The following CRYBG3 variants were observed in gnomAD, a reference collection of about 807,000 sequenced individuals.
CRYBG3 encodes the protein crystallin beta-gamma domain containing 3.
A neutral mutation model predicts 244.2 loss-of-function variants in CRYBG3; 127 were observed. The ratio of observed to expected loss-of-function variants is 0.52; its 90% CI spans 0.45 to 0.60. The LOEUF is 0.60. CRYBG3 is among the 20% of genes least tolerant of loss of function. The probability of loss-of-function intolerance (pLI) is 0.00; values close to 1 mark genes in which losing one functional copy is unlikely to be tolerated. For missense variants in CRYBG3, 3,325 were observed against 3,442.5 expected (o/e 0.97, Z 0.85); for synonymous variants, 1,132 against 1,195.8 (o/e 0.95, Z 1.10).
intron 1 of CRYBG3, among the ~76,000 whole-genome samples, chr3:97,838,228 G>A (rs1339748632): frequency 1.3e-5 from 2 of 152,076 alleles, no homozygotes; most frequent in East Asian, 1.9e-4. Flanking sequence ...TTTGCTGAAC[G>A]GCAGTGTTGG....
rs953635442 is a variant in CRYBG3, at chr3:97,943,745, G to A, written c.*431G>A. ...AAAGAAACAGATTTCTATAGGTCAA[G>A]TCATACTTTTGCAAACAGATGAGTA... On this transcript the variant is annotated 3_prime_UTR_variant, in exon 22 of 22. Transcript: ENST00000389622. The A allele has an allele frequency of 7.0e-6, 1 of 143,166 alleles. No homozygotes were observed. Among genetic ancestry groups the A allele is most frequent in the Non-Finnish European group, 1.5e-5 (1 of 65,794 alleles). 8.9% of individuals were successfully genotyped at this position (143,166 alleles called of 1,614,324 possible).
intron 1 of CRYBG3, among the ~76,000 whole-genome samples, chr3:97,828,565 G>T (rs2038608490): frequency 6.7e-6 from 1 of 149,526 alleles, no homozygotes. Flanking sequence ...GGTGGCTCAT[G>T]CCTGTAATCC....
chr3:97,937,480 C>T (rs879322034), intron 19 of CRYBG3, among the ~76,000 whole-genome samples: 1 of 152,050 alleles, frequency 6.6e-6, no homozygotes, highest in Non-Finnish European at 1.5e-5. Context: ...CCCTCTGTAT[C>T]GTGTTCTTCC....
intron 19 of CRYBG3, among the ~76,000 whole-genome samples, chr3:97,939,938 C>T (rs766504344): frequency 2.0e-5 from 3 of 151,976 alleles, no homozygotes; most frequent in East Asian, 1.9e-4. Flanking sequence ...GTTAGCTTCA[C>T]GTTGATCTAT....
At chr3:97,922,176 C>CA (rs1482436617) in intron 17 of CRYBG3, among the ~76,000 whole-genome samples, 2 of 152,088 alleles carry the variant, frequency 1.3e-5, no homozygotes, top group Non-Finnish European at 2.9e-5. Context: ...GTGTAGAAGA[C>CA]AAAAATTAAT....
Position 97,875,444 on chromosome 3 carries a change from T to C in CRYBG3, c.4250T>C (p.Ile1417Thr). The C allele has an allele frequency of 7.5e-7, 1 of 1,332,596 alleles. No individual in the cohort carries two copies. Among genetic ancestry groups the C allele is most frequent in the East Asian group, 2.9e-5 (1 of 35,084 alleles). 82.5% of individuals were successfully genotyped at this position (1,332,596 alleles called of 1,614,324 possible). The change falls in exon 4 of 22, where the codon ATA (isoleucine) becomes ACA (threonine). Residue 1417 changes from isoleucine (I) to threonine (T), a missense_variant. Coordinates refer to ENST00000389622, the MANE Select transcript of CRYBG3 (RefSeq NM_153605.4). The part of the protein sequence containing the change: ...SGNGSGLSDS[I>T]NLQESDTVLL... ...AATGGATCTGGACTGTCTGATAGTA[T>C]AAATTTGCAGGAATCAGATACGGTT...
chr3:97,915,649 C>T lies in CRYBG3; in HGVS notation c.8154C>T (p.His2718=). ...LYYQEDMFVN[H]CVLEEGLYAD... is the part of the protein sequence containing the mutation. ...ACCAAGAAGACATGTTTGTTAATCA[C>T]TGTGTGTTAGAAGAAGGCCTCTATG... Residue 2718 remains histidine, a synonymous_variant, in exon 17 of 22, where the codon CAC becomes CAT. Coordinates refer to ENST00000389622, the MANE Select transcript of CRYBG3 (RefSeq NM_153605.4). 1.9e-6 allele frequency: 3 copies of T among 1,612,580 alleles called. No homozygotes were observed. Among genetic ancestry groups the T allele is most frequent in the Non-Finnish European group, 1.7e-6 (2 of 1,178,906 alleles).
chr3:97,928,907 G>T (rs1383549139), intron 17 of CRYBG3, among the ~76,000 whole-genome samples: 1 of 151,882 alleles, frequency 6.6e-6, no homozygotes, highest in Non-Finnish European at 1.5e-5. Flanking sequence ...TACAGATATA[G>T]GTATATAACT....
chr3:97,866,535 G>T (rs2039234901), intron 3 of CRYBG3, among the ~76,000 whole-genome samples: 1 of 152,218 alleles, frequency 6.6e-6, no homozygotes, highest in African/African-American at 2.4e-5. Flanking sequence ...CTCTGCAGGA[G>T]TGGGGCCCAG....
chr3:97,855,903 T>G (rs1207097746), intron 2 of CRYBG3, among the ~76,000 whole-genome samples: 2 of 151,948 alleles, frequency 1.3e-5, no homozygotes, highest in East Asian at 1.9e-4. Flanking sequence ...TGGGGCGAAA[T>G]TAAAATTGCA....
chr3:97,823,561 T>A (rs1170508634), intron 1 of CRYBG3, among the ~76,000 whole-genome samples: 1 of 152,258 alleles, frequency 6.6e-6, no homozygotes, highest in African/African-American at 2.4e-5. Context: ...TCAGCTATTA[T>A]TGCTCTGACT....
intron 2 of CRYBG3, among the ~76,000 whole-genome samples, chr3:97,855,677 A>G (rs1206333157): frequency 6.6e-6 from 1 of 152,166 alleles, no homozygotes; most frequent in Non-Finnish European, 1.5e-5. Flanking sequence ...AGTACAAAAG[A>G]GAGAAATTTT....
chr3:97,891,725 T>C (rs2039578048), intron 10 of CRYBG3, among the ~76,000 whole-genome samples: 1 of 152,070 alleles, frequency 6.6e-6, no homozygotes, highest in Non-Finnish European at 1.5e-5. Context: ...AGGAGGCAAC[T>C]CAGGAGCGTA....
Position 97,875,072 on chromosome 3 carries a change from ATAG to A in CRYBG3, c.3881_3883del (p.Ser1294del). On this transcript the variant is annotated inframe_deletion, in exon 4 of 22. Coordinates refer to ENST00000389622, the MANE Select transcript of CRYBG3 (RefSeq NM_153605.4). ...GAGAAGAATCTTCTTGTTGATCCTA[ATAG>A]TATGAATGTATCTTGTTTGTTAGAA... 2.0e-6 allele frequency: 3 copies of A among 1,534,084 alleles called. No individual in the cohort carries two copies. Among genetic ancestry groups the A allele is most frequent in the Non-Finnish European group, 2.6e-6 (3 of 1,145,910 alleles).
chr3:97,878,064 T>C (rs1200660660), intron 4 of CRYBG3, 27 bp downstream of exon 4: 1 of 1,535,448 alleles, frequency 6.5e-7, no homozygotes, highest in Non-Finnish European at 8.8e-7. Context: ...ATTGTATTAA[T>C]AATAGTTATT....
chr3:97,876,018 A>C lies in CRYBG3; in HGVS notation c.4824A>C (p.Lys1608Asn). ...YQMDAESCIE[K>N]TEGSAVILGM... ...TGGATGCCGAGAGCTGTATTGAAAAAACTGAGGGATCAGCTGTCATTTTAG... is the reference window on the plus strand; with the variant it reads ...TGGATGCCGAGAGCTGTATTGAAAACACTGAGGGATCAGCTGTCATTTTAG... The change falls in exon 4 of 22, where the codon AAA becomes AAC. Residue 1608 changes from lysine (K) to asparagine (N), a missense_variant. By Grantham distance (94) the Lys-to-Asn change is moderately conservative. Around this residue, in one of 4 missense-constraint regions of CRYBG3, gnomAD observed 635 missense variants for 771.7 expected, o/e 0.82. Coordinates refer to ENST00000389622, the MANE Select transcript of CRYBG3 (RefSeq NM_153605.4). 1 of 1,232,080 alleles carries C rather than the reference A, an allele frequency of 8.1e-7. No homozygotes were observed. Among genetic ancestry groups the C allele is most frequent in the Non-Finnish European group, 1.0e-6 (1 of 987,944 alleles). The allele number at this position is 1,232,080 out of a possible 1,614,324, so 76.3% of individuals were successfully genotyped here.
At chr3:97,867,142 C>T (rs547858747) in intron 3 of CRYBG3, 23 of 152,234 alleles carry the variant, frequency 1.5e-4, no homozygotes, top group African/African-American at 5.3e-4. Flanking sequence ...GAGAAATTGT[C>T]ATTGTCTTTA....
At chr3:97,935,593 CAA>C (rs1312912027) in intron 18 of CRYBG3, among the ~76,000 whole-genome samples, 1 of 152,060 alleles carries the variant, frequency 6.6e-6, no homozygotes, top group East Asian at 1.9e-4. Flanking sequence ...AACTTATGCT[CAA>C]GTTGGTATCT....
chr3:97,939,943 A>T (rs965689332), intron 19 of CRYBG3, among the ~76,000 whole-genome samples: 2 of 152,006 alleles, frequency 1.3e-5, no homozygotes, highest in Non-Finnish European at 2.9e-5. Context: ...CTTCACGTTG[A>T]TCTATCAAGT....
Sources: gnomAD v4.1 joint callset for allele counts (sites outside exome capture counted in the v4.1 genomes callset) on GRCh38, gnomAD v4.1.1 for gene constraint, gnomAD v4.1.1 regional missense constraint, MANE v1.5 for transcripts, NCBI Gene and HGNC (gene_info 2026-07-23, HGNC 2026-07-21) for gene names.